SND1: variants seen among roughly 807,000 people sequenced by gnomAD.
SND1 encodes the protein staphylococcal nuclease and tudor domain containing 1, also known as staphylococcal nuclease domain-containing protein 1.
Under a neutral mutation model 121.7 loss-of-function variants are expected in SND1, and 38 were observed. The observed-to-expected ratio is 0.31, with a 90% CI of 0.24 to 0.41. SND1 has a LOEUF of 0.41. SND1 is among the 10% of genes least tolerant of loss of function. SND1 has a pLI of 1.00. For synonymous variants in SND1, 401 were observed against 447.4 expected (o/e 0.90, Z 1.31); for missense variants, 868 against 1,184.6 (o/e 0.73, Z 3.92).
Position 128,052,323 on chromosome 7 carries a change from G to A in SND1, c.1780-22179G>A, listed in dbSNP as rs2117022196. ...CAGCTTTAGCCTAATGCCCATCTCAGCTGTCTGGACAAGCTCCCATTCTGG... is the reference window on the plus strand; with the variant it reads ...CAGCTTTAGCCTAATGCCCATCTCAACTGTCTGGACAAGCTCCCATTCTGG... On this transcript the variant is annotated intron_variant, in intron 16 of 23. Transcript: ENST00000354725. This position sits in a 1 kb window ranked among gnomAD's most constrained non-coding sequence, Gnocchi z 4.6. Among the ~76,000 whole-genome samples, 1 of 152,298 alleles carries A rather than the reference G, an allele frequency of 6.6e-6. No individual in the cohort carries two copies. The highest frequency in any genetic ancestry group is 1.9e-4 in the East Asian group (1 of 5,180).
intron 16 of SND1, among the ~76,000 whole-genome samples, chr7:128,039,446 A>C (rs979980123): frequency 2.0e-5 from 3 of 151,988 alleles, no homozygotes; most frequent in Admixed American, 6.6e-5. Context: ...ACCCTGCTCT[A>C]CTTACATTCT....
Position 127,698,903 on chromosome 7 carries a change from A to T in SND1, c.378A>T (p.Ser126=). 6.2e-7 allele frequency: 1 copy of T among 1,613,766 alleles called. No homozygotes were observed. The highest frequency in any genetic ancestry group is 8.5e-7 in the Non-Finnish European group (1 of 1,179,752). Residue 126 remains serine (S), a synonymous_variant, in exon 4 of 24, where the codon TCA becomes TCT. Coordinates refer to ENST00000354725, the MANE Select transcript of SND1 (RefSeq NM_014390.4). ...KDTNGENIAE[S]LVAEGLATRR... ...CCAATGGGGAAAACATTGCAGAATC[A>T]CTGGTTGCAGAGGGCTTAGCCACCC...
At chr7:127,724,376 G>A (rs527488375) in intron 10 of SND1, among the ~76,000 whole-genome samples, 1 of 152,350 alleles carries the variant, frequency 6.6e-6, no homozygotes, top group African/African-American at 2.4e-5. Flanking sequence ...TGACAAGAAT[G>A]AGTTTTGGGG....
intron 10 of SND1, among the ~76,000 whole-genome samples, chr7:127,783,072 A>G (rs1797751332): frequency 6.6e-6 from 1 of 152,184 alleles, no homozygotes; most frequent in African/African-American, 2.4e-5. Flanking sequence ...ACAGATATCA[A>G]TTCTGGATAT....
At chr7:127,824,055 C>T (rs1647464453) in intron 11 of SND1, among the ~76,000 whole-genome samples, 1 of 152,128 alleles carries the variant, frequency 6.6e-6, no homozygotes. Context: ...AGAAATGCTG[C>T]TTTATTAAAA....
chr7:127,822,063 G>A (rs1798558143), intron 11 of SND1, among the ~76,000 whole-genome samples: 1 of 151,750 alleles, frequency 6.6e-6, no homozygotes, highest in Non-Finnish European at 1.5e-5. Context: ...CATTTAATTG[G>A]TTTAAAATTC....
intron 11 of SND1, among the ~76,000 whole-genome samples, chr7:127,840,969 T>C (rs1231890582): frequency 6.6e-6 from 1 of 152,240 alleles, no homozygotes; most frequent in African/African-American, 2.4e-5. Flanking sequence ...TTTTGGTTAT[T>C]GAAGATTAAA....
chr7:127,671,378 A>G (rs898611049), intron 1 of SND1, among the ~76,000 whole-genome samples: 1 of 152,234 alleles, frequency 6.6e-6, no homozygotes, highest in African/African-American at 2.4e-5. Flanking sequence ...GTTATGTTCT[A>G]TAAAGTTGCA....
intron 17 of SND1, among the ~76,000 whole-genome samples, chr7:128,075,182 C>T (rs774963924): frequency 7.5e-5 from 11 of 146,074 alleles, no homozygotes; most frequent in Non-Finnish European, 1.2e-4. Context: ...CTGTGGGCAC[C>T]GCATTGAAGA....
At chr7:127,882,998 A>G (rs1563046539) in intron 12 of SND1, among the ~76,000 whole-genome samples, 1 of 152,180 alleles carries the variant, frequency 6.6e-6, no homozygotes, top group Non-Finnish European at 1.5e-5. Flanking sequence ...AATTAGTGCT[A>G]GGACTGAAAT....
chr7:128,090,768 C>A (rs1005146219), intron 22 of SND1, among the ~76,000 whole-genome samples: 1 of 152,154 alleles, frequency 6.6e-6, no homozygotes, highest in African/African-American at 2.4e-5. Flanking sequence ...CTCACTGGAA[C>A]AAGACACCCC....
chr7:128,081,711 C>T (rs2117060331), intron 18 of SND1: 1 of 630,354 alleles, frequency 1.6e-6, no homozygotes, highest in Non-Finnish European at 2.9e-6. Context: ...TCACATGAGC[C>T]CTGGCTTGGG....
At chr7:127,937,740 T>G (rs1014244839) in intron 15 of SND1, among the ~76,000 whole-genome samples, 3 of 152,188 alleles carry the variant, frequency 2.0e-5, no homozygotes, top group Non-Finnish European at 2.9e-5. Flanking sequence ...GACCAAAAAC[T>G]TCTAATGAGA....
At chr7:127,882,521 A>G (rs546323037) in intron 12 of SND1, among the ~76,000 whole-genome samples, 3 of 152,142 alleles carry the variant, frequency 2.0e-5, no homozygotes, top group African/African-American at 7.2e-5. Context: ...TTCCTAGCCA[A>G]GTTTTCCCAG....
intron 20 of SND1, chr7:128,086,670 T>C (rs966843089): frequency 5.5e-6 from 3 of 545,750 alleles, no homozygotes; most frequent in Admixed American, 3.1e-5. Context: ...AGTCCAGTTA[T>C]ACTGCGATTG....
intron 12 of SND1, among the ~76,000 whole-genome samples, chr7:127,859,430 A>G (rs764511469): frequency 1.3e-5 from 2 of 152,286 alleles, no homozygotes; most frequent in Admixed American, 1.3e-4. Flanking sequence ...ACCTAAATAG[A>G]ACCAATAGGA....
At chr7:127,961,574 CA>C (rs1422655331) in intron 15 of SND1, among the ~76,000 whole-genome samples, 20 of 152,194 alleles carry the variant, frequency 1.3e-4, no homozygotes, top group Non-Finnish European at 1.2e-4. Context: ...CCAAAACAAC[CA>C]AAATTTAAAT....
At chr7:128,067,772 C>T (rs1793341505) in intron 16 of SND1, among the ~76,000 whole-genome samples, 1 of 152,096 alleles carries the variant, frequency 6.6e-6, no homozygotes, top group Non-Finnish European at 1.5e-5. Flanking sequence ...CTCCATCCTC[C>T]CAGAAAGTAA....
At chr7:127,677,811 T>C (rs1795641957) in intron 1 of SND1, among the ~76,000 whole-genome samples, 1 of 152,244 alleles carries the variant, frequency 6.6e-6, no homozygotes, top group African/African-American at 2.4e-5. Flanking sequence ...CATTTTTAGC[T>C]CATGGTCTGT....
Sources: allele counts gnomAD v4.1 joint callset (sites outside exome capture counted in the v4.1 genomes callset), GRCh38; gene constraint gnomAD v4.1.1; non-coding constraint Gnocchi (gnomAD v3.1); transcripts MANE v1.5; gene names NCBI Gene and HGNC (gene_info 2026-07-23, HGNC 2026-07-21).